ST3GAL6: variants seen among roughly 807,000 people sequenced by gnomAD.
ST3GAL6 encodes the protein ST3 beta-galactoside alpha-2,3-sialyltransferase 6.
A neutral mutation model predicts 40.5 loss-of-function variants in ST3GAL6; 31 were observed. That is an observed-to-expected ratio of 0.77 (90% confidence interval 0.58 to 1.03). The LOEUF is 1.03. ST3GAL6 is among the 50% of genes least tolerant of loss of function. The pLI is 0.00. For missense variants in ST3GAL6, 357 were observed against 393.2 expected (o/e 0.91, Z 0.78); for synonymous variants, 129 against 136.9 (o/e 0.94, Z 0.40).
At chr3:98,740,758 T>C (rs1936012033) in intron 1 of ST3GAL6, among the ~76,000 whole-genome samples, 1 of 152,218 alleles carries the variant, frequency 6.6e-6, no homozygotes, top group Non-Finnish European at 1.5e-5. Flanking sequence ...TATCTGCCAC[T>C]ATTACTATTA....
chr3:98,790,386 T>G (rs75317298), intron 8 of ST3GAL6, among the ~76,000 whole-genome samples: 5,727 of 152,154 alleles, frequency 0.038, 343 homozygotes, highest in East Asian at 0.16. Flanking sequence ...AAGATACAGG[T>G]AAGATGGTAG....
chr3:98,744,597 G>C (rs964316181), intron 1 of ST3GAL6, among the ~76,000 whole-genome samples: 1 of 152,084 alleles, frequency 6.6e-6, no homozygotes, highest in Non-Finnish European at 1.5e-5. Flanking sequence ...TTTGCTTCCT[G>C]ACATGCTCCA....
chr3:98,768,371 G>GA, intron 1 of ST3GAL6, 59 bp from the exon 2 acceptor site: 1 of 1,242,226 alleles, frequency 8.1e-7, no homozygotes, highest in Non-Finnish European at 1.2e-6. Flanking sequence ...GAGCCATTGT[G>GA]AAAATCCATT....
intron 1 of ST3GAL6, chr3:98,733,035 A>C (rs1432557990): frequency 1.4e-6 from 2 of 1,430,124 alleles, no homozygotes; most frequent in African/African-American, 3.0e-5. Flanking sequence ...GGGGTGCGGG[A>C]AGACCGGTCT....
At chr3:98,751,998 TG>T (rs1459359916) in intron 1 of ST3GAL6, among the ~76,000 whole-genome samples, 2 of 152,212 alleles carry the variant, frequency 1.3e-5, no homozygotes, top group African/African-American at 2.4e-5. Flanking sequence ...TTAAGGTATT[TG>T]TTTTCTAAGA....
chr3:98,732,519 G>A (rs935767709), exon 1 of ST3GAL6: 4 of 229,072 alleles, frequency 1.7e-5, no homozygotes, highest in Non-Finnish European at 2.6e-5. Context: ...GCTGGTGTCC[G>A]CCCCGCCCGA....
chr3:98,783,791 T>G, intron 5 of ST3GAL6: 1 of 544,876 alleles, frequency 1.8e-6, no homozygotes, highest in Non-Finnish European at 2.3e-6. Flanking sequence ...GCATGACTCT[T>G]TAATATTTGA....
upstream of ST3GAL6, among the ~76,000 whole-genome samples, chr3:98,758,519 A>C (rs575181508): frequency 1.3e-5 from 2 of 152,364 alleles, no homozygotes; most frequent in South Asian, 4.1e-4. Flanking sequence ...TTCTATAGCC[A>C]GAAATAGGGT....
upstream of ST3GAL6, chr3:98,762,942 C>T: frequency 3.0e-6 from 3 of 985,428 alleles, no homozygotes; most frequent in South Asian, 4.7e-5. Context: ...ATGATCATCG[C>T]TGCCAGAGGT....
intron 6 of ST3GAL6, among the ~76,000 whole-genome samples, chr3:98,786,288 A>T (rs1940700580): frequency 6.6e-6 from 1 of 152,220 alleles, no homozygotes; most frequent in African/African-American, 2.4e-5. Flanking sequence ...GAGGTTGAGC[A>T]AAGAAAAAGG....
At chr3:98,792,673 ATT>A (rs11305556) in intron 9 of ST3GAL6, among the ~76,000 whole-genome samples, 61,545 of 132,950 alleles carry the variant, frequency 0.46, 13,920 homozygotes, top group Non-Finnish European at 0.5. Context: ...CGACCGGCTA[ATT>A]TTTTTTTTTT....
intron 8 of ST3GAL6, among the ~76,000 whole-genome samples, chr3:98,791,289 T>C (rs969064692): frequency 4.6e-5 from 7 of 152,206 alleles, no homozygotes; most frequent in African/African-American, 1.7e-4. Context: ...GAATATTTAT[T>C]TTCTAGTCAG....
chr3:98,768,076 T>C (rs905541046), intron 1 of ST3GAL6, among the ~76,000 whole-genome samples: 5 of 152,204 alleles, frequency 3.3e-5, no homozygotes, highest in African/African-American at 1.2e-4. Context: ...GTTTTAATGT[T>C]TGTGAAAAAA....
At chr3:98,782,293 C>T in intron 5 of ST3GAL6, 1 of 703,504 alleles carries the variant, frequency 1.4e-6, no homozygotes, top group Non-Finnish European at 2.6e-6. Flanking sequence ...CAGTCACTTT[C>T]AGAAGCAAGG....
chr3:98,793,753 CAA>C lies in ST3GAL6; in HGVS notation c.989_990del (p.Gln330ArgfsTer23). The C allele has an allele frequency of 6.3e-7, 1 of 1,593,628 alleles. No individual in the cohort carries two copies. Reference sequence around the variant, plus strand: ...AAAAAACCTCGTAATCAACTTGACTCAAGATTGACTCTACAGACTCAGAAGAT... The same window carrying C: ...AAAAAACCTCGTAATCAACTTGACTCGATTGACTCTACAGACTCAGAAGAT... Reference protein sequence around the residue: ...IEKNLVINLTQD With the variant: ...IEKNLVINLTXD On this transcript the variant is annotated frameshift_variant, in exon 10 of 10. Coordinates refer to ENST00000483910, the MANE Select transcript of ST3GAL6 (RefSeq NM_001323368.2). LOFTEE classifies it high-confidence loss of function.
chr3:98,746,286 C>G (rs749462579), intron 1 of ST3GAL6, among the ~76,000 whole-genome samples: 4 of 152,120 alleles, frequency 2.6e-5, no homozygotes, highest in Non-Finnish European at 5.9e-5. Flanking sequence ...CTGATAACTC[C>G]TTAGCTTGGC....
intron 1 of ST3GAL6, among the ~76,000 whole-genome samples, chr3:98,739,388 CAAA>C (rs371291503): frequency 5.6e-5 from 7 of 125,940 alleles, no homozygotes; most frequent in Non-Finnish European, 8.7e-5. Flanking sequence ...AACAAACAAA[CAAA>C]AAAAAAACCC....
intron 8 of ST3GAL6, among the ~76,000 whole-genome samples, chr3:98,790,998 C>A (rs1433758963): frequency 6.6e-6 from 1 of 151,654 alleles, no homozygotes; most frequent in South Asian, 2.1e-4. Flanking sequence ...ATTTTTTTTT[C>A]TTTTCCTCAA....
At chr3:98,732,824 C>G (rs1455103618) in intron 1 of ST3GAL6, 5 of 1,491,706 alleles carry the variant, frequency 3.4e-6, no homozygotes, top group African/African-American at 1.5e-5. Context: ...CCCGCGCCAC[C>G]TTCCTTTGGT....
Sources: gnomAD v4.1 joint callset for allele counts (sites outside exome capture counted in the v4.1 genomes callset) on GRCh38, gnomAD v4.1.1 for gene constraint, MANE v1.5 for transcripts, NCBI Gene and HGNC (gene_info 2026-07-23, HGNC 2026-07-21) for gene names.